CPNE2: variants seen among roughly 807,000 people sequenced by gnomAD.
The protein encoded by CPNE2 is copine 2, also known as copine-2.
In CPNE2, 42 loss-of-function variants were observed where a neutral mutation model predicts 69.7. That is an observed-to-expected ratio of 0.60 (90% CI 0.47 to 0.78). The LOEUF is 0.78. Ranked by LOEUF, CPNE2 falls within the 30% of genes least tolerant of loss-of-function variation. The pLI, the probability that CPNE2 is intolerant of heterozygous loss-of-function variation, is 0.00. For missense variants in CPNE2, 587 were observed against 732.0 expected, an observed-to-expected ratio of 0.80 and a Z score of 2.29; for synonymous variants, 294 against 289.8, an observed-to-expected ratio of 1.01 and a Z score of -0.15.
intron 12 of CPNE2, chr16:57,129,081 C>T (rs2069820120): frequency 6.5e-6 from 1 of 152,870 alleles, no homozygotes; most frequent in Admixed American, 6.5e-5. Context: ...GGCAGTGGGG[C>T]AGGGGGAGCC....
chr16:57,122,306 A>C (rs2069768894), intron 9 of CPNE2, among the ~76,000 whole-genome samples: 1 of 152,206 alleles, frequency 6.6e-6, no homozygotes, highest in Non-Finnish European at 1.5e-5. Context: ...GGAGAGCAAG[A>C]GACCTGGGCT....
chr16:57,102,139 G>A (rs1448262776), intron 1 of CPNE2, among the ~76,000 whole-genome samples: 1 of 151,876 alleles, frequency 6.6e-6, no homozygotes, highest in Non-Finnish European at 1.5e-5. Context: ...TTTTTGTAGA[G>A]ACAGGGTTTC....
chr16:57,109,493 A>T (rs1449790800), intron 1 of CPNE2, among the ~76,000 whole-genome samples: 5 of 150,906 alleles, frequency 3.3e-5, no homozygotes, highest in South Asian at 2.1e-4. Flanking sequence ...AAAAAAAAAG[A>T]AAGTAAAGGA....
At chr16:57,115,971 C>T (rs537653209) in intron 4 of CPNE2, among the ~76,000 whole-genome samples, 1 of 152,350 alleles carries the variant, frequency 6.6e-6, no homozygotes, top group African/African-American at 2.4e-5. Context: ...CTCCCAGAAG[C>T]CAGGGCCACC....
At chr16:57,125,685 A>G (rs1204541439) in intron 10 of CPNE2, 175 bp from the exon 11 acceptor site, 3 of 729,876 alleles carry the variant, frequency 4.1e-6, no homozygotes, top group Admixed American at 5.8e-5. Flanking sequence ...AGATGGCATT[A>G]GAGCAGAGGA....
intron 15 of CPNE2, chr16:57,147,258 A>G (rs1400454508): frequency 1.9e-5 from 6 of 313,810 alleles, no homozygotes; most frequent in African/African-American, 1.3e-4. Context: ...TGCCGGACAC[A>G]TAGGTGCTTC....
In CPNE2 at chr16:57,113,454, G is replaced by C; in HGVS notation, c.347G>C (p.Cys116Ser). ...CATGACTTCCTGGGCCAGTTCTCCT[G>C]CAGCCTGGGCACGGTGAGCTGGGCC... ...DEHDFLGQFS[C>S]SLGTIVSSKK... The change falls in exon 3 of 16, where the codon TGC (cysteine) becomes TCC (serine). Residue 116 changes from cysteine to serine, a missense_variant. By Grantham distance (112) the Cys-to-Ser change is moderately radical. Coordinates refer to ENST00000290776, the MANE Select transcript of CPNE2 (RefSeq NM_152727.6). The C allele has an allele frequency of 6.2e-7, 1 of 1,613,648 alleles. No individual in the cohort carries two copies. The highest frequency in any genetic ancestry group is 8.5e-7 in the Non-Finnish European group (1 of 1,179,780).
chr16:57,109,310 T>TA (rs200872930), intron 1 of CPNE2, among the ~76,000 whole-genome samples: 2,892 of 152,118 alleles, frequency 0.019, 90 homozygotes, highest in East Asian at 0.16. Flanking sequence ...ACCTCGTCTC[T>TA]ACTAAAAATA....
chr16:57,111,535 C>T (rs780209658), intron 2 of CPNE2, among the ~76,000 whole-genome samples: 7 of 152,034 alleles, frequency 4.6e-5, no homozygotes, highest in South Asian at 2.1e-4. Context: ...TGTTTGCTTC[C>T]GCTTTTAAAT....
rs753943055 is a variant in CPNE2, at chr16:57,127,821, A to G, written c.1062-28A>G. 6.2e-6 allele frequency: 10 copies of G among 1,611,322 alleles called. No individual in the cohort carries two copies. In the Admixed American group the frequency reaches 1.0e-4, roughly 16 times the overall value. On this transcript the variant is annotated intron_variant, in intron 11 of 15. Transcript: ENST00000290776. ...CGGGTGGTGTCCTCAGGTGTCTTAC[A>G]GTGTGTTTCTCTTCTCTCTCTGATT...
chr16:57,120,144 A>G (rs2069750771), intron 7 of CPNE2, among the ~76,000 whole-genome samples: 1 of 151,988 alleles, frequency 6.6e-6, no homozygotes, highest in Non-Finnish European at 1.5e-5. Flanking sequence ...ATGGCGGTGC[A>G]CGCCTGTAGT....
At chr16:57,147,447 T>C in intron 15 of CPNE2, 104 bp from the exon 16 acceptor site, 2 of 781,148 alleles carry the variant, frequency 2.6e-6, no homozygotes, top group East Asian at 2.8e-5. Flanking sequence ...TTGTCCTCAA[T>C]GGACACCTGC....
At position 57,108,238 on chromosome 16, in the gene CPNE2, T is replaced by C. The variant is rs368173413; in HGVS notation, c.-35-2470T>C. The stretch of plus-strand genomic sequence containing the variant: ...TTCTTGGGACCTAATAGATGCTCAG[T>C]ACACCCTCTAGAGTGAATGAAAGCC... On this transcript the variant is annotated intron_variant, in intron 1 of 15. Transcript: ENST00000290776. Among the ~76,000 whole-genome samples, 4 of 152,338 alleles carry C rather than the reference T, an allele frequency of 2.6e-5. No individual in the cohort carries two copies. In the East Asian group the frequency reaches 7.7e-4, roughly 29 times the overall value.
intron 14 of CPNE2, among the ~76,000 whole-genome samples, chr16:57,139,902 A>G (rs571689446): frequency 2.2e-4 from 33 of 152,218 alleles, no homozygotes; most frequent in African/African-American, 7.7e-4. Flanking sequence ...TAATAGGATC[A>G]ATCAGGAGGA....
chr16:57,129,715 AG>A (rs2069824538), intron 12 of CPNE2, among the ~76,000 whole-genome samples: 1 of 152,216 alleles, frequency 6.6e-6, no homozygotes, highest in Non-Finnish European at 1.5e-5. Context: ...GCTACTTGGG[AG>A]GCTGAAGCAG....
intron 1 of CPNE2, among the ~76,000 whole-genome samples, chr16:57,105,028 C>T (rs1463365888): frequency 1.3e-5 from 2 of 152,140 alleles, no homozygotes; most frequent in Non-Finnish European, 2.9e-5. Flanking sequence ...CACAGGAAGA[C>T]TTTCAGGTAG....
At chr16:57,098,523 G>C (rs1340556322) in intron 1 of CPNE2, among the ~76,000 whole-genome samples, 1 of 152,230 alleles carries the variant, frequency 6.6e-6, no homozygotes, top group East Asian at 1.9e-4. Flanking sequence ...GGATGTTGGG[G>C]CAGCCAGGCT....
chr16:57,119,655 G>A lies in CPNE2; in HGVS notation c.681+5G>A, dbSNP rs561320662. 19,793 of 1,595,602 alleles carry A rather than the reference G, an allele frequency of 0.012. 146 individuals are homozygous for A. Among genetic ancestry groups the A allele is most frequent in the Non-Finnish European group, 0.015 (17,717 of 1,170,392 alleles). ...GACATGGAGAAGCCCATCCAGGTGA[G>A]GGGGCTCTGGGGACCCTGCTCCCCA... On this transcript the variant is annotated splice_donor_5th_base_variant and intron_variant, in intron 7 of 15. Transcript: ENST00000290776.
At chr16:57,107,964 G>A (rs554779006) in intron 1 of CPNE2, among the ~76,000 whole-genome samples, 381 of 150,892 alleles carry the variant, frequency 2.5e-3, no homozygotes, top group African/African-American at 8.8e-3. Flanking sequence ...TCCACCTCCT[G>A]GGTTCAAGCA....
Sources: allele counts gnomAD v4.1 joint callset (sites outside exome capture counted in the v4.1 genomes callset), GRCh38; gene constraint gnomAD v4.1.1; transcripts MANE v1.5; gene names NCBI Gene and HGNC (gene_info 2026-07-23, HGNC 2026-07-21).